Variants in SOX6 observed in about 807,000 individuals in gnomAD.
SOX6 encodes SRY-box transcription factor 6.
In SOX6, 11 loss-of-function variants were observed where a neutral mutation model predicts 97.8. The ratio of observed to expected loss-of-function variants is 0.11; its 90% confidence interval spans 0.07 to 0.19. The LOEUF (loss-of-function observed/expected upper bound fraction) is 0.19. Among genes scored for constraint, SOX6 ranks in the 10% least tolerant of loss-of-function variants. SOX6 has a pLI of 1.00. For missense variants in SOX6, 810 were observed against 1,039.5 expected, an observed-to-expected ratio of 0.78 and a Z score of 3.04; for synonymous variants, 360 against 371.4, an observed-to-expected ratio of 0.97 and a Z score of 0.35.
intron 4 of SOX6, chr11:16,483,980 C>T: frequency 9.4e-6 from 8 of 854,268 alleles, no homozygotes; most frequent in South Asian, 6.6e-5. Context: ...GCTGTGATCA[C>T]CTTGATCCTG....
intron 4 of SOX6, among the ~76,000 whole-genome samples, chr11:16,501,697 AG>A (rs1247724361): frequency 1.1e-4 from 16 of 152,258 alleles, no homozygotes; most frequent in Non-Finnish European, 1.8e-4. Context: ...TGCAGCCAAA[AG>A]ACACATGAAC....
intron 3 of SOX6, among the ~76,000 whole-genome samples, chr11:16,269,296 T>C (rs1158436341): frequency 6.6e-6 from 1 of 150,904 alleles, no homozygotes. Flanking sequence ...CTGTACTCCA[T>C]AGTTTTAATT....
At chr11:16,139,609 A>G (rs1850074324) in intron 6 of SOX6, among the ~76,000 whole-genome samples, 2 of 152,058 alleles carry the variant, frequency 1.3e-5, no homozygotes, top group Admixed American at 1.3e-4. Context: ...CACTTTCTGG[A>G]ATAATAAAAT....
intron 4 of SOX6, among the ~76,000 whole-genome samples, chr11:16,574,223 A>G (rs1847962791): frequency 6.6e-6 from 1 of 152,154 alleles, no homozygotes; most frequent in Non-Finnish European, 1.5e-5. Flanking sequence ...GACCTATTCT[A>G]CAAAATAACA....
intron 4 of SOX6, among the ~76,000 whole-genome samples, chr11:16,224,740 C>G (rs930507240): frequency 3.3e-5 from 5 of 151,912 alleles, no homozygotes; most frequent in Non-Finnish European, 7.4e-5. Flanking sequence ...CAAAAAGAGT[C>G]CATGGGTTCT....
chr11:16,474,930 T>C (rs1860206436), intron 1 of SOX6, among the ~76,000 whole-genome samples: 1 of 152,224 alleles, frequency 6.6e-6, no homozygotes, highest in African/African-American at 2.4e-5. Context: ...TCAATGGTCT[T>C]ACCTAGATCT....
intron 1 of SOX6, among the ~76,000 whole-genome samples, chr11:16,413,949 C>T (rs1403086689): frequency 1.3e-5 from 2 of 152,112 alleles, no homozygotes; most frequent in Non-Finnish European, 2.9e-5. Flanking sequence ...GGAAGGAGAA[C>T]ATAAATGCAA....
chr11:16,314,336 A>T lies in SOX6; in HGVS notation c.445+4110T>A, dbSNP rs190958565. On this transcript the variant is annotated intron_variant, in intron 3 of 15. Transcript: ENST00000683767. ...TATATAAATCCTTTCATTCTCCAAGACCAACTAAGACCCATTTCCCTACAG... is the reference window on the plus strand; with the variant it reads ...TATATAAATCCTTTCATTCTCCAAGTCCAACTAAGACCCATTTCCCTACAG... 8.5e-5 allele frequency: 13 copies of T among 152,190 alleles called. No homozygotes were observed. In the East Asian group the frequency reaches 2.5e-3, roughly 29 times the overall value. The allele number at this position is 152,190 out of a possible 1,614,324, so 9.4% of individuals were successfully genotyped here.
chr11:16,726,559 G>T (rs549985292), intron 2 of SOX6, among the ~76,000 whole-genome samples: 18 of 152,196 alleles, frequency 1.2e-4, no homozygotes, highest in African/African-American at 4.3e-4. Context: ...AAAGCCTAAA[G>T]GCACATGCCA....
intron 2 of SOX6, among the ~76,000 whole-genome samples, chr11:16,319,962 G>T (rs981338366): frequency 7.2e-5 from 11 of 152,038 alleles, no homozygotes; most frequent in Admixed American, 4.6e-4. Flanking sequence ...ATAGTATAGA[G>T]AAGTTAGCTA....
chr11:16,414,162 G>A (rs1401266931), intron 1 of SOX6, among the ~76,000 whole-genome samples: 1 of 152,176 alleles, frequency 6.6e-6, no homozygotes, highest in African/African-American at 2.4e-5. Flanking sequence ...CTGGCAGTGG[G>A]AGAGAAGAAG....
intron 13 of SOX6, among the ~76,000 whole-genome samples, chr11:15,991,361 A>G (rs943933183): frequency 1.3e-5 from 2 of 152,208 alleles, no homozygotes; most frequent in Non-Finnish European, 2.9e-5. Context: ...AACACAGGGC[A>G]ATATGCTGAC....
At chr11:16,224,223 T>A (rs1036202713) in intron 4 of SOX6, among the ~76,000 whole-genome samples, 1 of 152,202 alleles carries the variant, frequency 6.6e-6, no homozygotes, top group South Asian at 2.1e-4. Context: ...TTTCAGATTC[T>A]TTTTCAGTGA....
intron 6 of SOX6, among the ~76,000 whole-genome samples, chr11:16,132,328 AAGGAAAG>A (rs1564971963): frequency 6.4e-5 from 7 of 108,938 alleles, no homozygotes; most frequent in Non-Finnish European, 1.4e-4. Flanking sequence ...GGAAGGAAGG[AAGGAAAG>A]AAAAAAGAAA....
Position 16,006,316 on chromosome 11 carries a change from A to T in SOX6, c.1732+8626T>A, listed in dbSNP as rs142708406. 1.8e-3 allele frequency among the ~76,000 whole-genome samples: 268 copies of T among 152,190 alleles called. 1 individual carries two copies. Among genetic ancestry groups the T allele is most frequent in the African/African-American group, 5.4e-3 (223 of 41,558 alleles). On this transcript the variant is annotated intron_variant, in intron 13 of 15. Coordinates refer to ENST00000683767, the MANE Select transcript of SOX6 (RefSeq NM_001367873.1). Reference sequence around the variant, plus strand: ...GTCTTGAATGATTAAAGGTTAATGCATATTTATTTGGTGGTAAAGTCCAAA... The same window carrying T: ...GTCTTGAATGATTAAAGGTTAATGCTTATTTATTTGGTGGTAAAGTCCAAA...
chr11:16,340,259 G>A (rs1856588281), intron 2 of SOX6, among the ~76,000 whole-genome samples: 1 of 151,908 alleles, frequency 6.6e-6, no homozygotes, highest in Non-Finnish European at 1.5e-5. Flanking sequence ...GCAAAATGGG[G>A]TTTAAAACTT....
intron 4 of SOX6, among the ~76,000 whole-genome samples, chr11:16,560,715 C>T (rs771909030): frequency 6.6e-6 from 1 of 151,912 alleles, no homozygotes; most frequent in Non-Finnish European, 1.5e-5. Flanking sequence ...GATGAAAGGA[C>T]AGTATGAATT....
intron 1 of SOX6, among the ~76,000 whole-genome samples, chr11:16,470,356 T>A (rs1311837040): frequency 1.3e-5 from 2 of 152,156 alleles, no homozygotes; most frequent in Non-Finnish European, 2.9e-5. Flanking sequence ...CACTGAGGGA[T>A]CTTTGGTCTG....
intron 13 of SOX6, among the ~76,000 whole-genome samples, chr11:16,006,209 G>A (rs1344455432): frequency 6.6e-6 from 1 of 152,050 alleles, no homozygotes; most frequent in Non-Finnish European, 1.5e-5. Flanking sequence ...AAAGAGAGCA[G>A]AGGAATAAAG....
Sources: allele counts gnomAD v4.1 joint callset (sites outside exome capture counted in the v4.1 genomes callset), GRCh38; gene constraint gnomAD v4.1.1; transcripts MANE v1.5; gene names NCBI Gene and HGNC (gene_info 2026-07-23, HGNC 2026-07-21).